C17orf67: variants seen among roughly 807,000 people sequenced by gnomAD.
C17orf67 encodes the protein uncharacterized protein C17orf67.
In C17orf67, 12 loss-of-function variants were observed where a neutral mutation model predicts 11.2. The ratio of observed to expected loss-of-function variants is 1.07; its 90% CI spans 0.68 to 1.73. C17orf67 has a LOEUF of 1.73. Ranked by LOEUF, C17orf67 falls within the 40% of genes most tolerant of loss-of-function variation. The probability of loss-of-function intolerance (pLI) is 0.00; values close to 1 mark genes in which losing one functional copy is unlikely to be tolerated. For synonymous variants in C17orf67, 59 were observed against 46.9 expected, an observed-to-expected ratio of 1.26 and a Z score of -1.05; for missense variants, 115 against 113.5, an observed-to-expected ratio of 1.01 and a Z score of -0.06.
intron 7 of C17orf67, 107 bp downstream of exon 7, chr17:56,794,937 A>C: frequency 1.4e-6 from 1 of 715,772 alleles, no homozygotes; most frequent in Middle Eastern, 3.4e-4. Context: ...ATAACCAGCT[A>C]ACCAGCTGGC....
At chr17:56,826,941 T>A (rs1906052748) in intron 2 of C17orf67, among the ~76,000 whole-genome samples, 2 of 152,240 alleles carry the variant, frequency 1.3e-5, no homozygotes, top group South Asian at 4.1e-4. Context: ...TGCCTGTAAA[T>A]AATGCTTCTT....
At chr17:56,818,928 C>T (rs1905829985) in intron 4 of C17orf67, among the ~76,000 whole-genome samples, 1 of 152,200 alleles carries the variant, frequency 6.6e-6, no homozygotes, top group Non-Finnish European at 1.5e-5. Flanking sequence ...CCTCACCCAG[C>T]TTCTGGCACC....
chr17:56,816,735 A>G (rs1435254999), intron 4 of C17orf67, among the ~76,000 whole-genome samples: 1 of 152,214 alleles, frequency 6.6e-6, no homozygotes, highest in Non-Finnish European at 1.5e-5. Context: ...CTCCAGATTC[A>G]AGGGTATTTT....
intron 2 of C17orf67, among the ~76,000 whole-genome samples, chr17:56,828,899 G>A (rs1906115640): frequency 6.6e-6 from 1 of 151,292 alleles, no homozygotes; most frequent in South Asian, 2.1e-4. Context: ...ATCCTTAGAG[G>A]ATGTCGGTGT....
At chr17:56,833,404 C>A in intron 1 of C17orf67, 62 bp from the exon 2 acceptor site, 1 of 152,640 alleles carries the variant, frequency 6.6e-6, no homozygotes, top group South Asian at 2.0e-4. Context: ...CCGCTGCTCC[C>A]CTTTCTCCCC....
intron 7 of C17orf67, among the ~76,000 whole-genome samples, chr17:56,792,593 G>C (rs992586059): frequency 9.3e-5 from 13 of 139,080 alleles, no homozygotes; most frequent in Non-Finnish European, 1.3e-4. Flanking sequence ...GATGGTAATA[G>C]TGATGATGGT....
intron 4 of C17orf67, among the ~76,000 whole-genome samples, chr17:56,824,221 G>A (rs1049907730): frequency 3.9e-5 from 6 of 152,160 alleles, no homozygotes; most frequent in Non-Finnish European, 8.8e-5. Flanking sequence ...CTGAAAGCGG[G>A]TTGTTATAAA....
intron 5 of C17orf67, 42 bp from the exon 6 acceptor site, chr17:56,815,011 G>T: frequency 6.6e-7 from 1 of 1,507,576 alleles, no homozygotes; most frequent in Non-Finnish European, 9.2e-7. Context: ...CTCAGGCTCA[G>T]GAGTTCATGA....
At chr17:56,809,572 A>T (rs918631329) in intron 6 of C17orf67, among the ~76,000 whole-genome samples, 2 of 121,748 alleles carry the variant, frequency 1.6e-5, no homozygotes, top group Non-Finnish European at 3.4e-5. Flanking sequence ...ACACAGCCTC[A>T]CACACACCCC....
chr17:56,795,315 C>G, intron 6 of C17orf67, 135 bp from the exon 7 acceptor site: 1 of 737,808 alleles, frequency 1.4e-6, no homozygotes, highest in Non-Finnish European at 2.3e-6. Context: ...AACGGCCACA[C>G]CCATGCCTCT....
chr17:56,809,822 A>G (rs1905558746), intron 6 of C17orf67, among the ~76,000 whole-genome samples: 1 of 96,860 alleles, frequency 1.0e-5, no homozygotes, highest in South Asian at 3.9e-4. Context: ...ATACACCCTC[A>G]CACACTCACA....
intron 4 of C17orf67, among the ~76,000 whole-genome samples, chr17:56,818,834 T>C (rs1361039023): frequency 1.3e-5 from 2 of 152,200 alleles, no homozygotes; most frequent in Non-Finnish European, 1.5e-5. Context: ...GGTAGCCACA[T>C]GTGGCTAGTG....
chr17:56,807,462 AG>A (rs1471998568), intron 6 of C17orf67, among the ~76,000 whole-genome samples: 2 of 152,150 alleles, frequency 1.3e-5, no homozygotes, highest in African/African-American at 2.4e-5. Flanking sequence ...GCCTTTGGGA[AG>A]TATGGAGAGG....
chr17:56,815,073 A>C, intron 5 of C17orf67, 104 bp from the exon 6 acceptor site: 1 of 968,682 alleles, frequency 1.0e-6, no homozygotes, highest in Non-Finnish European at 1.7e-6. Flanking sequence ...TTTGGTTAAA[A>C]CATGAAAGTT....
Position 56,833,029 on chromosome 17 carries a change from T to G in C17orf67, c.-688A>C, listed in dbSNP as rs1470259731. ...GTTTCTTTTCTGTTCCTTTGGTCCCTTGCTTCGGTGTGTGTTTTCTTTCCA... is the reference window on the plus strand; with the variant it reads ...GTTTCTTTTCTGTTCCTTTGGTCCCGTGCTTCGGTGTGTGTTTTCTTTCCA... On this transcript the variant is annotated 5_prime_UTR_variant, in exon 2 of 8. Transcript: ENST00000397861. The G allele has an allele frequency of 6.6e-6, 1 of 152,306 alleles. No homozygotes were observed. Among genetic ancestry groups the G allele is most frequent in the Non-Finnish European group, 1.5e-5 (1 of 68,080 alleles). 9.4% of individuals were successfully genotyped at this position (152,306 alleles called of 1,614,324 possible).
intron 4 of C17orf67, among the ~76,000 whole-genome samples, chr17:56,817,332 C>T (rs913596346): frequency 6.6e-6 from 1 of 152,086 alleles, no homozygotes; most frequent in African/African-American, 2.4e-5. Flanking sequence ...TGATATTAAA[C>T]CTGAATGTGC....
At chr17:56,794,917 T>G in intron 7 of C17orf67, 127 bp downstream of exon 7, 241 of 560,898 alleles carry the variant, frequency 4.3e-4, no homozygotes, top group East Asian at 1.1e-3. Flanking sequence ...GCCACCCCCA[T>G]TCCAAACCCA....
At chr17:56,830,268 C>G (rs935329222) in intron 2 of C17orf67, among the ~76,000 whole-genome samples, 1 of 151,774 alleles carries the variant, frequency 6.6e-6, no homozygotes, top group African/African-American at 2.4e-5. Context: ...TGGCGTGAAC[C>G]TGGGAGGCGG....
rs944746355 is a variant in C17orf67, at chr17:56,833,619, T to C, written c.-1003A>G. On this transcript the variant is annotated splice_region_variant and 5_prime_UTR_variant, in exon 1 of 8. It removes the in-frame stop codon of an upstream open reading frame in the 5' UTR. Coordinates refer to ENST00000397861, the MANE Select transcript of C17orf67 (RefSeq NM_001085430.4). ...CGTTACTGCGGCCGCCACACCTACC[T>C]CAGCCCGCCGCGGCCAGGTCGGGCG... 6.6e-6 allele frequency: 1 copy of C among 151,268 alleles called. No homozygotes were observed. The highest frequency in any genetic ancestry group is 2.4e-5 in the African/African-American group (1 of 41,272). 9.4% of individuals were successfully genotyped at this position (151,268 alleles called of 1,614,324 possible).
Sources: gnomAD v4.1 joint callset for allele counts (sites outside exome capture counted in the v4.1 genomes callset) on GRCh38, gnomAD v4.1.1 for gene constraint, MANE v1.5 for transcripts, NCBI Gene and HGNC (gene_info 2026-07-23, HGNC 2026-07-21) for gene names.